Variants in GPM6B observed in about 807,000 individuals in gnomAD.
The protein encoded by GPM6B is neuronal membrane glycoprotein M6-b.
In GPM6B, 4 loss-of-function variants were observed where a neutral mutation model predicts 27.2. The observed-to-expected ratio is 0.15, with a 90% CI of 0.07 to 0.34. GPM6B has a LOEUF of 0.34. GPM6B is among the 10% of genes least tolerant of loss of function. GPM6B has a pLI of 1.00. For synonymous variants in GPM6B, 124 were observed against 103.1 expected (o/e 1.20, Z -1.23); for missense variants, 183 against 261.9 (o/e 0.70, Z 2.08).
At chrX:13,926,199 C>A (rs1239050170) in intron 1 of GPM6B, among the ~76,000 whole-genome samples, 1 of 107,817 alleles carries the variant, frequency 9.3e-6, no homozygotes, top group Non-Finnish European at 1.9e-5. Context: ...GTCAGGAGAT[C>A]GAGACCATCC....
At chrX:13,855,230 G>A (rs1223895918) in intron 1 of GPM6B, among the ~76,000 whole-genome samples, 2 of 112,171 alleles carry the variant, frequency 1.8e-5, no homozygotes, top group African/African-American at 6.5e-5. Context: ...TGCTGGCCAG[G>A]CTGGTCTCAA....
At chrX:13,773,247 G>T in intron 7 of GPM6B, 1 of 275,226 alleles carries the variant, frequency 3.6e-6, no homozygotes, top group Non-Finnish European at 6.4e-6. Context: ...CAAACATAGT[G>T]AACTGGAAAA....
intron 1 of GPM6B, among the ~76,000 whole-genome samples, chrX:13,850,120 T>C (rs1209836558): frequency 8.9e-6 from 1 of 112,118 alleles, no homozygotes; most frequent in Non-Finnish European, 1.9e-5. Context: ...CCAAATCTCA[T>C]TTTGAAATCT....
intron 1 of GPM6B, among the ~76,000 whole-genome samples, chrX:13,935,335 C>CAAA (rs60400361): frequency 0.046 from 1,975 of 42,561 alleles, 183 homozygotes; most frequent in African/African-American, 0.12. Context: ...CCTATCTCTA[C>CAAA]AAAAAAAAAA....
chrX:13,776,415 G>A (rs2048413544), intron 6 of GPM6B, 112 bp from the exon 7 acceptor site: 1 of 581,434 alleles, frequency 1.7e-6, no homozygotes, highest in Non-Finnish European at 2.8e-6. Context: ...CTGCAAGACT[G>A]GGCACAGGCC....
intron 1 of GPM6B, among the ~76,000 whole-genome samples, chrX:13,844,324 A>T (rs375688597): frequency 1.8e-5 from 2 of 112,491 alleles, no homozygotes; most frequent in East Asian, 5.5e-4. Context: ...GCCAAATTCC[A>T]TTTTGAAAGA....
chrX:13,892,934 A>G (rs2050201195), intron 1 of GPM6B, among the ~76,000 whole-genome samples: 1 of 112,152 alleles, frequency 8.9e-6, no homozygotes, highest in Admixed American at 9.4e-5. Context: ...AGTCCCAGCT[A>G]CTTGGGATTG....
At chrX:13,893,105 G>A (rs2050202627) in intron 1 of GPM6B, among the ~76,000 whole-genome samples, 2 of 111,773 alleles carry the variant, frequency 1.8e-5, no homozygotes, top group South Asian at 3.7e-4. Context: ...GCCAGATTTG[G>A]TCCATGGGTC....
chrX:13,839,512 A>G (rs1292038263), intron 1 of GPM6B, among the ~76,000 whole-genome samples: 1 of 111,658 alleles, frequency 9.0e-6, no homozygotes, highest in Non-Finnish European at 1.9e-5. Context: ...CTTTTCAGCG[A>G]TACACCACAC....
chrX:13,812,435 A>T (rs2049155530), intron 1 of GPM6B, among the ~76,000 whole-genome samples: 1 of 111,805 alleles, frequency 8.9e-6, no homozygotes, highest in Non-Finnish European at 1.9e-5. Flanking sequence ...TCTTAAAAAC[A>T]GTCGGTGTGG....
At chrX:13,778,398 G>C (rs1200995863) in intron 5 of GPM6B, among the ~76,000 whole-genome samples, 1 of 112,283 alleles carries the variant, frequency 8.9e-6, no homozygotes, top group Non-Finnish European at 1.9e-5. Context: ...CCAGAGGGTG[G>C]GACAAGCAGA....
At chrX:13,909,120 C>CTT (rs368081524) in intron 1 of GPM6B, among the ~76,000 whole-genome samples, 13,058 of 69,094 alleles carry the variant, frequency 0.19, 1,094 homozygotes, top group East Asian at 0.48. Flanking sequence ...TGTTCATATC[C>CTT]TTTTTTTTTT....
chrX:13,810,949 T>C (rs965577454), intron 1 of GPM6B, among the ~76,000 whole-genome samples: 2 of 112,004 alleles, frequency 1.8e-5, no homozygotes, highest in Non-Finnish European at 3.8e-5. Flanking sequence ...AATATAAAGT[T>C]ATTTATAAAA....
chrX:13,780,307 A>G (rs991774088), intron 4 of GPM6B, among the ~76,000 whole-genome samples: 3 of 112,180 alleles, frequency 2.7e-5, no homozygotes, highest in African/African-American at 9.7e-5. Context: ...AGAGCTAATC[A>G]GTGGCAGCCT....
intron 2 of GPM6B, among the ~76,000 whole-genome samples, chrX:13,796,541 GTCCAAGAA>G (rs2048819447): frequency 8.9e-6 from 1 of 112,380 alleles, no homozygotes; most frequent in Non-Finnish European, 1.9e-5. Flanking sequence ...GGGGCTTCCT[GTCCAAGAA>G]CAAAGTGCGA....
intron 1 of GPM6B, among the ~76,000 whole-genome samples, chrX:13,879,044 T>C (rs758541557): frequency 8.9e-6 from 1 of 111,806 alleles, no homozygotes; most frequent in African/African-American, 3.3e-5. Context: ...TATAACAAAT[T>C]TGCATTGTTT....
chrX:13,861,722 G>T (rs1007878819), intron 1 of GPM6B, among the ~76,000 whole-genome samples: 2 of 111,760 alleles, frequency 1.8e-5, no homozygotes, highest in Admixed American at 1.9e-4. Context: ...TTTGTTAATT[G>T]AAAAAGTAAC....
intron 1 of GPM6B, among the ~76,000 whole-genome samples, chrX:13,861,491 A>G (rs1338407621): frequency 2.7e-5 from 3 of 111,962 alleles, no homozygotes; most frequent in Non-Finnish European, 5.6e-5. Context: ...ATTTACAAAA[A>G]TTCATTTTCT....
At chrX:13,792,283 A>G (rs1315633819) in intron 2 of GPM6B, among the ~76,000 whole-genome samples, 2 of 111,484 alleles carry the variant, frequency 1.8e-5, no homozygotes, top group African/African-American at 6.5e-5. Flanking sequence ...CTCAACACCC[A>G]CAGTGTACAG....
Sources: gnomAD v4.1 joint callset for allele counts (sites outside exome capture counted in the v4.1 genomes callset) on GRCh38, gnomAD v4.1.1 for gene constraint, MANE v1.5 for transcripts, NCBI Gene and HGNC (gene_info 2026-07-23, HGNC 2026-07-21) for gene names.